The following CAPRIN1 variants were observed in gnomAD, a reference collection of about 807,000 sequenced individuals.
CAPRIN1 encodes caprin-1.
CAPRIN1 carries 29 observed loss-of-function variants against 100.9 expected under a neutral mutation model. The observed-to-expected ratio is 0.29, with a 90% CI of 0.21 to 0.39. CAPRIN1 has a LOEUF of 0.39. Among genes scored for constraint, CAPRIN1 ranks in the 10% least tolerant of loss-of-function variants. The pLI, the probability that CAPRIN1 is intolerant of heterozygous loss-of-function variation, is 1.00. For missense variants in CAPRIN1, 795 were observed against 876.7 expected, an observed-to-expected ratio of 0.91 and a Z score of 1.18; for synonymous variants, 338 against 307.5, an observed-to-expected ratio of 1.10 and a Z score of -1.04.
At chr11:34,059,965 G>A (rs1296772009) in intron 2 of CAPRIN1, among the ~76,000 whole-genome samples, 1 of 148,740 alleles carries the variant, frequency 6.7e-6, no homozygotes, top group Non-Finnish European at 1.5e-5. Context: ...GGAGGCTGAG[G>A]CAGGTGGATC....
chr11:34,102,485 C>T lies in CAPRIN1; in HGVS notation c.*3118C>T, dbSNP rs1478489917. On this transcript the variant is annotated 3_prime_UTR_variant, in exon 19 of 19. Coordinates refer to ENST00000341394, the MANE Select transcript of CAPRIN1 (RefSeq NM_005898.5). Reference sequence around the variant, plus strand: ...ATGGAGTTAACGGGGAGGAAGACCCCTCAGGAAAACGAAAGTAAATTGTTA... The same window carrying T: ...ATGGAGTTAACGGGGAGGAAGACCCTTCAGGAAAACGAAAGTAAATTGTTA... 6.6e-6 allele frequency among the ~76,000 whole-genome samples: 1 copy of T among 152,114 alleles called. No individual in the cohort carries two copies. Among genetic ancestry groups the T allele is most frequent in the Non-Finnish European group, 1.5e-5 (1 of 68,026 alleles).
intron 11 of CAPRIN1, among the ~76,000 whole-genome samples, chr11:34,087,469 G>T (rs901738579): frequency 2.1e-5 from 3 of 141,810 alleles, no homozygotes; most frequent in African/African-American, 8.1e-5. Context: ...AAGTAGCTGG[G>T]ACTACAGGCG....
rs760387329 is a variant in CAPRIN1 at position 34,051,756 on chromosome 11, G to A, written c.-116G>A. On this transcript the variant is annotated 5_prime_UTR_variant, in exon 1 of 19. Transcript: ENST00000341394. Reference sequence around the variant, plus strand: ...CACTAGGAGCGGCTCTCGGTGCAGCGGGACAGGGCGAAGCGGCCTGCGCCC... The same window carrying A: ...CACTAGGAGCGGCTCTCGGTGCAGCAGGACAGGGCGAAGCGGCCTGCGCCC... 1 of 152,296 alleles carries A rather than the reference G, an allele frequency of 6.6e-6. No individual in the cohort carries two copies. The highest frequency in any genetic ancestry group is 6.5e-5 in the Admixed American group (1 of 15,284). The allele number at this position is 152,296 out of a possible 1,614,324, so 9.4% of individuals were successfully genotyped here.
intron 7 of CAPRIN1, among the ~76,000 whole-genome samples, chr11:34,081,141 G>A (rs2134117275): frequency 6.6e-6 from 1 of 151,736 alleles, no homozygotes; most frequent in South Asian, 2.1e-4. Flanking sequence ...TTATAAATAA[G>A]TTTGTAAGTA....
chr11:34,079,904 A>AGTTTTTTGTTTTTTGTTTTTTTT lies in CAPRIN1; in HGVS notation c.826+146_826+147insGTTTTTTGTTTTTTTTGTTTTTT, dbSNP rs1565091690. On this transcript the variant is annotated intron_variant, in intron 7 of 18. Coordinates refer to ENST00000341394, the MANE Select transcript of CAPRIN1 (RefSeq NM_005898.5). ...TTTAAAGAGACTTTAAGCATGACAA[A>AGTTTTTTGTTTTTTGTTTTTTTT]GTTTTTTTTTTTTTTTTTTTTTTTT... 3 of 496,410 alleles carry AGTTTTTTGTTTTTTGTTTTTTTT rather than the reference A, an allele frequency of 6.0e-6. No individual in the cohort carries two copies. In the African/African-American group the frequency reaches 6.8e-5, roughly 11 times the overall value. The allele number at this position is 496,410 out of a possible 1,614,324, so 30.8% of individuals were successfully genotyped here. A position where few individuals can be genotyped will look rare whatever the true frequency, so the allele number is the denominator to read the frequency against.
intron 7 of CAPRIN1, among the ~76,000 whole-genome samples, chr11:34,081,771 T>C (rs975061769): frequency 1.3e-5 from 2 of 152,142 alleles, no homozygotes; most frequent in African/African-American, 4.8e-5. Flanking sequence ...GTCCTGAGAT[T>C]ATAGGCGTGA....
In CAPRIN1 at chr11:34,076,574, A is replaced by G. The variant is rs1222353749; in HGVS notation, c.620A>G (p.Tyr207Cys). 1.9e-6 allele frequency: 3 copies of G among 1,613,870 alleles called. No individual in the cohort carries two copies. Among genetic ancestry groups the G allele is most frequent in the East Asian group, 2.2e-5 (1 of 44,890 alleles). ...RDMSLRLNEQ[Y>C]EHASIHLWDL... ...ACTATTAAAAGGTTGAATGAACAGT[A>G]TGAACATGCCTCCATTCACCTGTGG... Residue 207 changes from tyrosine to cysteine, a missense_variant, in exon 6 of 19, where the codon TAT becomes TGT. Tyr to Cys is a radical substitution (Grantham distance 194). This residue lies in a region of CAPRIN1 where 648 missense variants were observed against 697.9 expected (regional missense o/e 0.93). Transcript: ENST00000341394.
rs1431962646 is a variant in CAPRIN1 at position 34,101,677 on chromosome 11, A to C, written c.*2310A>C. ...TATCTTTTATGTCTCTACTCAGACC[A>C]TATTTTTAAAGGGGTGCCTCATTAT... On this transcript the variant is annotated 3_prime_UTR_variant, in exon 19 of 19. Coordinates refer to ENST00000341394, the MANE Select transcript of CAPRIN1 (RefSeq NM_005898.5). Among the ~76,000 whole-genome samples, 3 of 152,174 alleles carry C rather than the reference A, an allele frequency of 2.0e-5. No homozygotes were observed.
In CAPRIN1 at chr11:34,097,176, T is replaced by C. The variant is rs1276504989; in HGVS notation, c.1901-20T>C. 6.5e-7 allele frequency: 1 copy of C among 1,537,816 alleles called. No individual in the cohort carries two copies. Among genetic ancestry groups the C allele is most frequent in the Non-Finnish European group, 9.0e-7 (1 of 1,115,126 alleles). ...TTGTGAAGATAAGAAAATTATTTCT[T>C]TTCTTGTCCTAAATTTTAGGAGGAT... On this transcript the variant is annotated intron_variant, in intron 16 of 18. Coordinates refer to ENST00000341394, the MANE Select transcript of CAPRIN1 (RefSeq NM_005898.5).
chr11:34,088,538 G>A (rs555682417), intron 11 of CAPRIN1, among the ~76,000 whole-genome samples: 4 of 152,116 alleles, frequency 2.6e-5, no homozygotes, highest in African/African-American at 9.6e-5. Flanking sequence ...GCTTGGCAGG[G>A]TGGCATGCAT....
intron 2 of CAPRIN1, among the ~76,000 whole-genome samples, chr11:34,062,571 G>C (rs893148146): frequency 6.9e-6 from 1 of 145,840 alleles, no homozygotes; most frequent in African/African-American, 2.6e-5. Flanking sequence ...CTTGCAGTGA[G>C]CTGAGATCAC....
rs1455341250 is a variant in CAPRIN1, at chr11:34,085,983, G to A, written c.967-81G>A. The A allele has an allele frequency of 5.4e-6, 6 of 1,114,970 alleles. No individual in the cohort carries two copies. The African/African-American group carries it at 9.4e-5, about 17-fold the overall frequency. 69.1% of individuals were successfully genotyped at this position (1,114,970 alleles called of 1,614,324 possible). A position where few individuals can be genotyped will look rare whatever the true frequency, so the allele number is the denominator to read the frequency against. On this transcript the variant is annotated intron_variant, in intron 9 of 18. Coordinates refer to ENST00000341394, the MANE Select transcript of CAPRIN1 (RefSeq NM_005898.5). Reference sequence around the variant, plus strand: ...GTTTATAGTATAGATGGTTTATGTAGTGTGGGGGACCCATCATGGTGGTAG... The same window carrying A: ...GTTTATAGTATAGATGGTTTATGTAATGTGGGGGACCCATCATGGTGGTAG...
At position 34,071,731 on chromosome 11, in the gene CAPRIN1, G is replaced by A. The variant is rs767541173; in HGVS notation, c.222G>A (p.Lys74=). 2.5e-6 allele frequency: 4 copies of A among 1,608,570 alleles called. No homozygotes were observed. The highest frequency in any genetic ancestry group is 2.2e-5 in the East Asian group (1 of 44,768). Residue 74 remains lysine (K), a synonymous_variant, in exon 3 of 19, where the codon AAG becomes AAA. Coordinates refer to ENST00000341394, the MANE Select transcript of CAPRIN1 (RefSeq NM_005898.5). ...TTTTTTTTCTTTTAACATAGGGTAA[G>A]CTTGATGATTACCAGGAACGAATGA... is the stretch of plus-strand genomic sequence containing the variant. The part of the protein sequence containing the change: ...KLRNLEKKKG[K]LDDYQERMNK...
chr11:34,061,215 T>C (rs926615115), intron 2 of CAPRIN1, among the ~76,000 whole-genome samples: 14 of 150,146 alleles, frequency 9.3e-5, no homozygotes, highest in Non-Finnish European at 2.1e-4. Flanking sequence ...TTTTTTTTTT[T>C]TTTTTTTTGA....
At chr11:34,065,535 GT>G (rs1763998324) in intron 2 of CAPRIN1, among the ~76,000 whole-genome samples, 1 of 152,172 alleles carries the variant, frequency 6.6e-6, no homozygotes, top group East Asian at 1.9e-4. Context: ...TGATGCTGAT[GT>G]TGCTGGTTTG....
In CAPRIN1 at chr11:34,102,242, G is replaced by C. The variant is rs1851464524; in HGVS notation, c.*2875G>C. On this transcript the variant is annotated 3_prime_UTR_variant, in exon 19 of 19. Transcript: ENST00000341394. ...TGATGAGTTAACAACTAGTTGAGCA[G>C]TCAGCTTCCTAAGTGTTTTAGGACA... Among the ~76,000 whole-genome samples, 1 of 152,154 alleles carries C rather than the reference G, an allele frequency of 6.6e-6. No homozygotes were observed. The highest frequency in any genetic ancestry group is 1.5e-5 in the Non-Finnish European group (1 of 68,022).
In CAPRIN1 at chr11:34,066,919, A is replaced by G. The variant is rs1049025779; in HGVS notation, c.217-4807A>G. 2.7e-5 allele frequency among the ~76,000 whole-genome samples: 4 copies of G among 147,394 alleles called. No homozygotes were observed. The South Asian group carries it at 8.6e-4, about 32-fold the overall frequency. On this transcript the variant is annotated intron_variant, in intron 2 of 18. Transcript: ENST00000341394. The stretch of plus-strand genomic sequence containing the variant: ...AGTGCTAGCATTACAGGCGTGAGCC[A>G]TCACACCCAGCATTTTTTTTTTTTT...
At chr11:34,090,780 C>T in intron 14 of CAPRIN1, 102 bp downstream of exon 14, 1 of 960,106 alleles carries the variant, frequency 1.0e-6, no homozygotes. Flanking sequence ...CTTGAGTCTG[C>T]ATCTTTCATT....
At position 34,100,485 on chromosome 11, in the gene CAPRIN1, CAAAT is replaced by C. The variant is rs764315785; in HGVS notation, c.*1122_*1125del. 1.1e-4 allele frequency: 17 copies of C among 152,236 alleles called. No homozygotes were observed. Among genetic ancestry groups the C allele is most frequent in the South Asian group, 6.2e-4 (3 of 4,830 alleles). The allele number at this position is 152,236 out of a possible 1,614,324, so 9.4% of individuals were successfully genotyped here. On this transcript the variant is annotated 3_prime_UTR_variant, in exon 19 of 19. Coordinates refer to ENST00000341394, the MANE Select transcript of CAPRIN1 (RefSeq NM_005898.5). ...TTCAGTTCTGATGGTATAAGCAAAA[CAAAT>C]AAAACGTTTATAAAAGTTGTATCTT...
Sources: allele counts gnomAD v4.1 joint callset (sites outside exome capture counted in the v4.1 genomes callset), GRCh38; gene constraint gnomAD v4.1.1; regional missense constraint gnomAD v4.1.1; transcripts MANE v1.5; gene names NCBI Gene and HGNC (gene_info 2026-07-23, HGNC 2026-07-21).